Variants in FAM13A observed in about 807,000 individuals in gnomAD.
FAM13A encodes the protein protein FAM13A.
In FAM13A, 76 loss-of-function variants were observed where a neutral mutation model predicts 129.6. The ratio of observed to expected loss-of-function variants is 0.59; its 90% CI spans 0.49 to 0.71. The LOEUF is 0.71. FAM13A is among the 30% of genes least tolerant of loss of function. The pLI is 0.00. For synonymous variants in FAM13A, 443 were observed against 449.9 expected (o/e 0.98, Z 0.20); for missense variants, 1,108 against 1,249.3 (o/e 0.89, Z 1.70).
chr4:89,012,251 C>G (rs1361446546), intron 3 of FAM13A, among the ~76,000 whole-genome samples: 1 of 152,126 alleles, frequency 6.6e-6, no homozygotes, highest in Non-Finnish European at 1.5e-5. Context: ...GCCCTACCAA[C>G]ATAAGGATAA....
intron 6 of FAM13A, among the ~76,000 whole-genome samples, chr4:88,885,142 G>GA (rs902041576): frequency 1.3e-4 from 19 of 150,568 alleles, no homozygotes; most frequent in African/African-American, 2.7e-4. Flanking sequence ...AACAGAACCA[G>GA]AAAAAAAAAT....
At chr4:88,957,445 T>G (rs1318519215) in intron 4 of FAM13A, among the ~76,000 whole-genome samples, 1 of 152,202 alleles carries the variant, frequency 6.6e-6, no homozygotes, top group Non-Finnish European at 1.5e-5. Flanking sequence ...AGCACCATAT[T>G]TCCTATAGAA....
chr4:88,955,579 C>T (rs1757624897), intron 4 of FAM13A, among the ~76,000 whole-genome samples: 1 of 152,130 alleles, frequency 6.6e-6, no homozygotes, highest in Admixed American at 6.6e-5. Context: ...CTTTGGAGGG[C>T]TCAGAGGACA....
At chr4:88,887,417 C>T (rs1399765582) in intron 6 of FAM13A, among the ~76,000 whole-genome samples, 1 of 152,048 alleles carries the variant, frequency 6.6e-6, no homozygotes, top group East Asian at 1.9e-4. Flanking sequence ...TATTAAGTGA[C>T]AGTTGCTTTT....
At chr4:88,787,194 T>C (rs1016637222) in intron 10 of FAM13A, among the ~76,000 whole-genome samples, 1 of 152,174 alleles carries the variant, frequency 6.6e-6, no homozygotes, top group Non-Finnish European at 1.5e-5. Flanking sequence ...AAATTCATAC[T>C]ATGGGAATGC....
intron 10 of FAM13A, among the ~76,000 whole-genome samples, chr4:88,785,094 T>C (rs1723703621): frequency 6.6e-6 from 1 of 152,176 alleles, no homozygotes; most frequent in Admixed American, 6.6e-5. Flanking sequence ...GACTTTAGTA[T>C]GACTTTACTG....
rs564296030 is a variant in FAM13A at position 88,747,990 on chromosome 4, C to T, written c.2162-139G>A. 28 of 604,742 alleles carry T rather than the reference C, an allele frequency of 4.6e-5. No homozygotes were observed. In the Admixed American group the frequency reaches 5.0e-4, roughly 11 times the overall value. 37.5% of individuals were successfully genotyped at this position (604,742 alleles called of 1,614,324 possible). On this transcript the variant is annotated intron_variant, in intron 17 of 23. Coordinates refer to ENST00000264344, the MANE Select transcript of FAM13A (RefSeq NM_014883.4). ...CTGCAAGCTCCGCCTCCTGGGTTCA[C>T]GCCATTCTCCTGCCTCAGTCTCCTG...
At chr4:88,777,620 G>C (rs546389968) in intron 11 of FAM13A, among the ~76,000 whole-genome samples, 2 of 152,316 alleles carry the variant, frequency 1.3e-5, no homozygotes, top group South Asian at 2.1e-4. Flanking sequence ...GCAAGGGACA[G>C]AGGGAGAAAG....
chr4:88,774,117 T>A lies in FAM13A; in HGVS notation c.1459-6058A>T, dbSNP rs543442931. On this transcript the variant is annotated intron_variant, in intron 11 of 23. Coordinates refer to ENST00000264344, the MANE Select transcript of FAM13A (RefSeq NM_014883.4). ...TGCTGCTCCCTCTGCCTGGATTTTC[T>A]GTCTCCAGATATCCTGATGGCTCAT... 6.0e-4 allele frequency among the ~76,000 whole-genome samples: 92 copies of A among 152,302 alleles called. 1 individual carries two copies. The highest frequency in any genetic ancestry group is 1.3e-3 in the Admixed American group (20 of 15,298).
intron 4 of FAM13A, among the ~76,000 whole-genome samples, chr4:88,981,174 T>G (rs1274782376): frequency 6.6e-6 from 1 of 152,120 alleles, no homozygotes; most frequent in Non-Finnish European, 1.5e-5. Context: ...CGCAGAGATA[T>G]GAAGCAAAAT....
chr4:89,008,852 C>A (rs1456682205), intron 3 of FAM13A: 1 of 151,980 alleles, frequency 6.6e-6, no homozygotes, highest in Non-Finnish European at 1.5e-5. Context: ...CAATATTGTC[C>A]AAACATAATT....
At chr4:88,731,290 C>CGGGGGGGGAGGGGGG in intron 23 of FAM13A, 37 bp downstream of exon 23, 1 of 741,194 alleles carries the variant, frequency 1.3e-6, no homozygotes, top group Non-Finnish European at 1.8e-6. Flanking sequence ...TGTGGTGCGG[C>CGGGGGGGGAGGGGGG]GGGGGGGAAG....
intron 19 of FAM13A, among the ~76,000 whole-genome samples, chr4:88,742,416 T>C (rs1392547512): frequency 6.6e-6 from 1 of 152,230 alleles, no homozygotes; most frequent in Non-Finnish European, 1.5e-5. Flanking sequence ...CAAAATCCAG[T>C]GTTTTTGACT....
chr4:88,959,121 G>C (rs1179449026), intron 4 of FAM13A, among the ~76,000 whole-genome samples: 1 of 152,198 alleles, frequency 6.6e-6, no homozygotes, highest in Non-Finnish European at 1.5e-5. Context: ...AAGCTCATAA[G>C]TGAAAGGGAC....
intron 4 of FAM13A, among the ~76,000 whole-genome samples, chr4:88,952,142 C>A (rs1757048194): frequency 6.6e-6 from 1 of 151,862 alleles, no homozygotes; most frequent in Non-Finnish European, 1.5e-5. Context: ...TGGTAATATT[C>A]CCCAAATCAG....
intron 10 of FAM13A, among the ~76,000 whole-genome samples, chr4:88,787,031 A>G (rs1053675756): frequency 1.3e-5 from 2 of 152,086 alleles, no homozygotes; most frequent in Non-Finnish European, 2.9e-5. Flanking sequence ...TTCAGGGAAA[A>G]TATATGAATA....
chr4:88,788,574 A>C (rs1053230483), intron 9 of FAM13A, among the ~76,000 whole-genome samples: 14 of 152,186 alleles, frequency 9.2e-5, no homozygotes, highest in African/African-American at 3.4e-4. Context: ...AATTGGAAGG[A>C]TAGATTTACT....
At chr4:88,732,797 G>A (rs1323079076) in intron 21 of FAM13A, among the ~76,000 whole-genome samples, 1 of 151,516 alleles carries the variant, frequency 6.6e-6, no homozygotes, top group Non-Finnish European at 1.5e-5. Context: ...GAAAACTCAA[G>A]CTTTTCCAAA....
intron 4 of FAM13A, among the ~76,000 whole-genome samples, chr4:88,972,377 C>T (rs1411339006): frequency 2.0e-5 from 3 of 151,288 alleles, no homozygotes; most frequent in Non-Finnish European, 4.4e-5. Flanking sequence ...TCTCGCCTCA[C>T]TGCAACCTCT....
Sources: gnomAD v4.1 joint callset for allele counts (sites outside exome capture counted in the v4.1 genomes callset) on GRCh38, gnomAD v4.1.1 for gene constraint, MANE v1.5 for transcripts, NCBI Gene and HGNC (gene_info 2026-07-23, HGNC 2026-07-21) for gene names.